Variants in TLN2 observed in about 807,000 individuals in gnomAD.
TLN2 encodes the protein talin-2.
Under a neutral mutation model 294.7 loss-of-function variants are expected in TLN2, and 118 were observed. The observed-to-expected ratio is 0.40, with a 90% CI of 0.34 to 0.47. The LOEUF (loss-of-function observed/expected upper bound fraction) is 0.47, where lower values mean the gene tolerates loss of function less well. TLN2 is among the 20% of genes least tolerant of loss of function. The pLI, the probability that TLN2 is intolerant of heterozygous loss-of-function variation, is 0.84. For synonymous variants in TLN2, 1,431 were observed against 1,304.5 expected (o/e 1.10, Z -2.09); for missense variants, 3,083 against 3,282.2 (o/e 0.94, Z 1.48).
intron 26 of TLN2, among the ~76,000 whole-genome samples, chr15:62,724,345 T>C (rs1188559649): frequency 6.6e-6 from 1 of 152,202 alleles, no homozygotes. Context: ...TGTACCAGTA[T>C]TTAGTATACT....
At chr15:62,423,143 C>CGTGT (rs2140275215) in intron 1 of TLN2, among the ~76,000 whole-genome samples, 1 of 152,294 alleles carries the variant, frequency 6.6e-6, no homozygotes, top group East Asian at 1.9e-4. Context: ...CCTGTAATCC[C>CGTGT]AGCACTTTGG....
At chr15:62,450,539 ATGTATGTATG>A (rs1339485162) in intron 1 of TLN2, among the ~76,000 whole-genome samples, 18 of 62,140 alleles carry the variant, frequency 2.9e-4, no homozygotes, top group African/African-American at 7.2e-4. Context: ...GTATGTATGT[ATGTATGTATG>A]TGTGTGTGTG....
rs1476276258 is a variant in TLN2, at chr15:62,753,776, G to A, written c.4336G>A (p.Ala1446Thr). The A allele has an allele frequency of 6.9e-6, 11 of 1,605,732 alleles. No individual in the cohort carries two copies. The highest frequency in any genetic ancestry group is 7.6e-6 in the Non-Finnish European group (9 of 1,176,570). The change falls in exon 36 of 59, where the codon GCA becomes ACA. Residue 1446 changes from alanine to threonine, a missense_variant. Physicochemically the swap from Ala to Thr is moderately conservative, Grantham distance 58. Transcript: ENST00000636159. The part of the protein sequence containing the change: ...CGLTEAAAQA[A>T]YLVGISDPNS... ...GGTTTTTCTCTTCCCTTTCTAGGCT[G>A]CATACTTGGTTGGCATCTCTGATCC... is the stretch of plus-strand genomic sequence containing the variant.
chr15:62,574,756 A>G (rs969068651), intron 1 of TLN2, among the ~76,000 whole-genome samples: 1 of 152,116 alleles, frequency 6.6e-6, no homozygotes, highest in African/African-American at 2.4e-5. Context: ...TCAACACTGT[A>G]TTATATGTCA....
At chr15:62,838,358 GGTAAAGGCTGCA>G (rs2070062474) in intron 57 of TLN2, among the ~76,000 whole-genome samples, 1 of 152,184 alleles carries the variant, frequency 6.6e-6, no homozygotes, top group African/African-American at 2.4e-5. Flanking sequence ...CCACAAGCGT[GGTAAAGGCTGCA>G]GTGAAGCCGG....
At chr15:62,444,858 G>T (rs571186314) in intron 1 of TLN2, among the ~76,000 whole-genome samples, 3 of 152,336 alleles carry the variant, frequency 2.0e-5, no homozygotes, top group Non-Finnish European at 4.4e-5. Context: ...TGCTGACAAA[G>T]GCATGTGGGG....
intron 2 of TLN2, among the ~76,000 whole-genome samples, chr15:62,611,977 G>C (rs2047955402): frequency 6.6e-6 from 1 of 152,186 alleles, no homozygotes; most frequent in South Asian, 2.1e-4. Context: ...TACTATATGA[G>C]AGTGTATGTG....
intron 1 of TLN2, among the ~76,000 whole-genome samples, chr15:62,558,254 T>A (rs2042714516): frequency 6.6e-6 from 1 of 152,194 alleles, no homozygotes; most frequent in Non-Finnish European, 1.5e-5. Flanking sequence ...TAAAAATGAC[T>A]TTGTCATCCA....
chr15:62,644,359 G>C (rs373770023), intron 3 of TLN2, among the ~76,000 whole-genome samples: 2 of 151,730 alleles, frequency 1.3e-5, no homozygotes, highest in Non-Finnish European at 2.9e-5. Context: ...ATTTTTTCTC[G>C]TCTGCCAATT....
intron 29 of TLN2, 107 bp from the exon 30 acceptor site, chr15:62,738,106 TG>T (rs2061128113): frequency 1.6e-6 from 2 of 1,278,656 alleles, no homozygotes; most frequent in South Asian, 2.9e-5. Flanking sequence ...TGGATGCTGG[TG>T]GGTCATTTCC....
Position 62,701,195 on chromosome 15 carries a change from A to C in TLN2, c.1677A>C (p.Ser559=). 6.2e-7 allele frequency: 1 copy of C among 1,614,110 alleles called. No homozygotes were observed. The highest frequency in any genetic ancestry group is 1.1e-5 in the South Asian group (1 of 91,088). The change falls in exon 17 of 59, where the codon TCA becomes TCC. Residue 559 remains serine (S), a synonymous_variant. Transcript: ENST00000636159. ...ATGCTATCACGGCCGGAACGGCTTC[A>C]GTTGTTAACCTCACAGCTGGTAAGT... ...QVDAITAGTA[S]VVNLTAGDPA...
intron 1 of TLN2, among the ~76,000 whole-genome samples, chr15:62,420,140 T>A (rs1363402029): frequency 6.6e-6 from 1 of 152,218 alleles, no homozygotes; most frequent in Admixed American, 6.5e-5. Flanking sequence ...ATAGTAGACT[T>A]CCTGAAAGCT....
chr15:62,736,791 C>T (rs897405053), intron 28 of TLN2, 87 bp from the exon 29 acceptor site: 2 of 1,424,748 alleles, frequency 1.4e-6, no homozygotes, highest in African/African-American at 1.4e-5. Flanking sequence ...CCTTCTGTGC[C>T]AGGCCCTGGT....
intron 25 of TLN2, among the ~76,000 whole-genome samples, chr15:62,720,533 C>T (rs960512457): frequency 6.6e-5 from 10 of 152,076 alleles, no homozygotes; most frequent in Non-Finnish European, 1.5e-4. Flanking sequence ...TTGTAGGACC[C>T]AGTGATACAT....
Position 62,726,928 on chromosome 15 carries a change from G to A in TLN2, c.3256-159G>A, listed in dbSNP as rs117213071. On this transcript the variant is annotated intron_variant, in intron 27 of 58. Coordinates refer to ENST00000636159, the MANE Select transcript of TLN2 (RefSeq NM_015059.3). Reference sequence around the variant, plus strand: ...CCCAGATTTGTTTGTTCTAAAGCTCGGGCTCCTTCTCCTGTACCACCCTGC... The same window carrying A: ...CCCAGATTTGTTTGTTCTAAAGCTCAGGCTCCTTCTCCTGTACCACCCTGC... 6.7e-4 allele frequency among the ~76,000 whole-genome samples: 102 copies of A among 152,280 alleles called. 2 individuals carry two copies. In the East Asian group the frequency reaches 0.014, roughly 20 times the overall value.
At chr15:62,836,366 A>C (rs575749214) in intron 57 of TLN2, among the ~76,000 whole-genome samples, 6 of 151,720 alleles carry the variant, frequency 4.0e-5, no homozygotes, top group African/African-American at 1.5e-4. Context: ...GCCCTCCCTG[A>C]CTCCCAGGGT....
chr15:62,535,182 T>C (rs566810882), intron 1 of TLN2, among the ~76,000 whole-genome samples: 42 of 152,368 alleles, frequency 2.8e-4, no homozygotes, highest in African/African-American at 9.9e-4. Flanking sequence ...CTTGCTGTTA[T>C]TCTTCCTACT....
intron 52 of TLN2, among the ~76,000 whole-genome samples, chr15:62,815,226 C>T (rs1287301594): frequency 6.8e-6 from 1 of 147,270 alleles, no homozygotes; most frequent in Non-Finnish European, 1.5e-5. Context: ...CACACACACA[C>T]ACACACTCAC....
chr15:62,568,308 G>A (rs1040328668), intron 1 of TLN2, among the ~76,000 whole-genome samples: 12 of 152,148 alleles, frequency 7.9e-5, no homozygotes, highest in African/African-American at 1.9e-4. Flanking sequence ...ACTCTCCATC[G>A]TGGCCCTGGT....
Sources: allele counts gnomAD v4.1 joint callset (sites outside exome capture counted in the v4.1 genomes callset), GRCh38; gene constraint gnomAD v4.1.1; transcripts MANE v1.5; gene names NCBI Gene and HGNC (gene_info 2026-07-23, HGNC 2026-07-21).